C10orf90: variants seen among roughly 807,000 people sequenced by gnomAD.
The protein encoded by C10orf90 is chromosome 10 open reading frame 90.
In C10orf90, 56 loss-of-function variants were observed where a neutral mutation model predicts 62.5. The observed-to-expected ratio is 0.90, with a 90% CI of 0.72 to 1.12. C10orf90 has a LOEUF of 1.12. Among genes scored for constraint, C10orf90 ranks in the 50% most tolerant of loss-of-function variants. The pLI is 0.00. For synonymous variants in C10orf90, 386 were observed against 340.4 expected, an observed-to-expected ratio of 1.13 and a Z score of -1.47; for missense variants, 970 against 880.4, an observed-to-expected ratio of 1.10 and a Z score of -1.29.
At chr10:126,590,528 G>T (rs964138227) in intron 2 of C10orf90, among the ~76,000 whole-genome samples, 1 of 152,116 alleles carries the variant, frequency 6.6e-6, no homozygotes, top group African/African-American at 2.4e-5. Flanking sequence ...TTAATATTAA[G>T]AATCTCACTC....
In C10orf90 at chr10:126,628,968, C is replaced by T. The variant is rs945431609; in HGVS notation, c.313+17597G>A. On this transcript the variant is annotated intron_variant, in intron 2 of 9. Transcript: ENST00000488181. ...CACTTGCTCTACCCCGTGGCACACC[C>T]TGGCCTTTAAAGAGATCTCTGCATG... Among the ~76,000 whole-genome samples the T allele has an allele frequency of 7.9e-5, 12 of 152,322 alleles. No individual in the cohort carries two copies. The East Asian group carries it at 2.3e-3, about 29-fold the overall frequency.
At chr10:126,499,027 T>G (rs1266554480) in intron 4 of C10orf90, among the ~76,000 whole-genome samples, 1 of 152,232 alleles carries the variant, frequency 6.6e-6, no homozygotes, top group African/African-American at 2.4e-5. Flanking sequence ...GGGGATGGAT[T>G]TATTTGAATG....
chr10:126,508,795 C>T (rs531633866), intron 3 of C10orf90, among the ~76,000 whole-genome samples: 12 of 152,238 alleles, frequency 7.9e-5, no homozygotes, highest in Admixed American at 1.3e-4. Context: ...CAGGCTTCCT[C>T]GTACTGTGGT....
At chr10:126,554,728 C>T (rs930260415) in intron 2 of C10orf90, among the ~76,000 whole-genome samples, 3 of 152,292 alleles carry the variant, frequency 2.0e-5, no homozygotes, top group Admixed American at 6.5e-5. Flanking sequence ...AAGCTAAAAA[C>T]GACTTCTGAT....
chr10:126,532,841 T>G (rs562222530), intron 2 of C10orf90, among the ~76,000 whole-genome samples: 1 of 2,460 alleles, frequency 4.1e-4, no homozygotes. Context: ...AGACTACGTC[T>G]CAAAAAAAAA....
chr10:126,517,929 A>T (rs1050088586), intron 2 of C10orf90, among the ~76,000 whole-genome samples: 4 of 137,376 alleles, frequency 2.9e-5, no homozygotes, highest in Non-Finnish European at 6.3e-5. Context: ...AAAAAAAAAA[A>T]GGAATACAAA....
At chr10:126,490,366 T>C (rs1415871911) in intron 4 of C10orf90, among the ~76,000 whole-genome samples, 2 of 151,388 alleles carry the variant, frequency 1.3e-5, no homozygotes, top group African/African-American at 4.9e-5. Flanking sequence ...TTCCAGAGAA[T>C]GGGGAGTTAG....
intron 2 of C10orf90, among the ~76,000 whole-genome samples, chr10:126,591,760 CTTTG>C (rs1342239833): frequency 1.3e-5 from 2 of 152,160 alleles, no homozygotes; most frequent in African/African-American, 2.4e-5. Context: ...ATCAAATTAT[CTTTG>C]TTTGCAGATG....
chr10:126,533,581 G>A (rs1405185689), intron 2 of C10orf90, among the ~76,000 whole-genome samples: 1 of 152,192 alleles, frequency 6.6e-6, no homozygotes, highest in Non-Finnish European at 1.5e-5. Context: ...TCCCCTGGAT[G>A]GACTCTAACC....
In C10orf90 at chr10:126,532,926, A is replaced by ATTT. The variant is rs1864142377; in HGVS notation, c.314-18988_314-18987insAAA. The stretch of plus-strand genomic sequence containing the variant: ...AAAGGCTTGCTACTGTATTATTATT[A>ATTT]TTATTATTTATTTATTTATTTTTTG... On this transcript the variant is annotated intron_variant, in intron 2 of 9. Coordinates refer to ENST00000488181, the MANE Select transcript of C10orf90 (RefSeq NM_001350921.2). Among the ~76,000 whole-genome samples the ATTT allele has an allele frequency of 5.5e-5, 8 of 146,378 alleles. No homozygotes were observed. The Admixed American group carries it at 5.5e-4, about 10-fold the overall frequency.
chr10:126,514,339 C>A (rs1283122511), intron 2 of C10orf90, among the ~76,000 whole-genome samples: 1 of 152,164 alleles, frequency 6.6e-6, no homozygotes, highest in African/African-American at 2.4e-5. Context: ...CTTCATTCAG[C>A]CTCTTAATGC....
At chr10:126,598,607 GATCTGTA>G (rs1293687863) in intron 2 of C10orf90, among the ~76,000 whole-genome samples, 3 of 152,106 alleles carry the variant, frequency 2.0e-5, no homozygotes, top group Admixed American at 6.5e-5. Flanking sequence ...TCCTCTATCA[GATCTGTA>G]ATTAAGCTAC....
At chr10:126,555,970 A>G (rs1591094203) in intron 2 of C10orf90, among the ~76,000 whole-genome samples, 1 of 152,364 alleles carries the variant, frequency 6.6e-6, no homozygotes, top group East Asian at 1.9e-4. Context: ...AATCTCCTAA[A>G]ATAAAATGAT....
intron 1 of C10orf90, among the ~76,000 whole-genome samples, chr10:126,655,043 G>A (rs924716292): frequency 2.0e-5 from 3 of 152,108 alleles, no homozygotes; most frequent in Non-Finnish European, 2.9e-5. Context: ...ATATGAGGCC[G>A]GGCGCGGTGG....
In C10orf90 at chr10:126,505,494, G is replaced by A. The variant is rs116512536; in HGVS notation, c.406-409C>T. ...AACTTGGGGCCACAGGTTTATGTGG[G>A]AGATTAGTCAGTAGTCCTGAAAGGA... is the stretch of plus-strand genomic sequence containing the variant. On this transcript the variant is annotated intron_variant, in intron 3 of 9. Transcript: ENST00000488181. Among the ~76,000 whole-genome samples the A allele has an allele frequency of 5.4e-3, 830 of 152,306 alleles. 11 individuals are homozygous for A. Among genetic ancestry groups the A allele is most frequent in the African/African-American group, 0.019 (773 of 41,576 alleles).
At chr10:126,626,416 G>C (rs1564898402) in intron 2 of C10orf90, among the ~76,000 whole-genome samples, 1 of 152,106 alleles carries the variant, frequency 6.6e-6, no homozygotes, top group Non-Finnish European at 1.5e-5. Context: ...CGCCTGGCTG[G>C]TGAATGCTGA....
intron 4 of C10orf90, among the ~76,000 whole-genome samples, chr10:126,484,863 C>T (rs1168203588): frequency 6.6e-6 from 1 of 152,140 alleles, no homozygotes; most frequent in Non-Finnish European, 1.5e-5. Context: ...ATCATATGAT[C>T]TGAATATTAG....
intron 2 of C10orf90, among the ~76,000 whole-genome samples, chr10:126,562,939 C>T (rs550810762): frequency 7.9e-5 from 12 of 152,354 alleles, no homozygotes; most frequent in East Asian, 1.9e-4. Flanking sequence ...TCCCAGCCAC[C>T]GGCAGTGGCA....
chr10:126,447,384 C>T (rs1858855404), intron 7 of C10orf90, among the ~76,000 whole-genome samples: 1 of 152,028 alleles, frequency 6.6e-6, no homozygotes, highest in Non-Finnish European at 1.5e-5. Flanking sequence ...GCAGAGGTAG[C>T]TATAGCTATA....
Sources: gnomAD v4.1 joint callset for allele counts (sites outside exome capture counted in the v4.1 genomes callset) on GRCh38, gnomAD v4.1.1 for gene constraint, MANE v1.5 for transcripts, NCBI Gene and HGNC (gene_info 2026-07-23, HGNC 2026-07-21) for gene names.